TAPBPL: variants seen among roughly 807,000 people sequenced by gnomAD.
The protein encoded by TAPBPL is TAP binding protein like.
Under a neutral mutation model 44.8 loss-of-function variants are expected in TAPBPL, and 32 were observed. The ratio of observed to expected loss-of-function variants is 0.71; its 90% CI spans 0.54 to 0.96. The LOEUF is 0.96. TAPBPL is among the 40% of genes least tolerant of loss of function. The pLI is 0.00. For missense variants in TAPBPL, 520 were observed against 586.6 expected (o/e 0.89, Z 1.17); for synonymous variants, 230 against 240.7 (o/e 0.96, Z 0.41).
chr12:6,463,209 G>A, downstream of TAPBPL: 4 of 1,432,140 alleles, frequency 2.8e-6, no homozygotes, highest in Admixed American at 2.8e-5. This position sits in a 1 kb window ranked among gnomAD's most constrained non-coding sequence, Gnocchi z 4.0. Flanking sequence ...GACAGGAAAG[G>A]GTGGTTCAAA....
rs145002394 is a variant in TAPBPL, at chr12:6,457,569, A to G, written c.729A>G (p.Ala243=). The G allele has an allele frequency of 1.3e-5, 21 of 1,614,112 alleles. No individual in the cohort carries two copies. The African/African-American group carries it at 2.5e-4, about 19-fold the overall frequency. Residue 243 remains alanine (A), a synonymous_variant, in exon 4 of 7, where the codon GCA becomes GCG. Transcript: ENST00000266556. The part of the protein sequence containing the change: ...GRGQLVYSWT[A]GQGQAVRKGA... ...GTCAGTTGGTGTACAGCTGGACCGC[A>G]GGGCAGGGGCAGGCTGTGCGGAAGG...
downstream of TAPBPL, chr12:6,464,457 G>C: frequency 6.4e-7 from 1 of 1,560,296 alleles, no homozygotes; most frequent in Non-Finnish European, 8.7e-7. Context: ...AACAGGGAAG[G>C]GGTGGTACAT....
At chr12:6,469,062 G>A (rs1274263872), downstream of TAPBPL, among the ~76,000 whole-genome samples, 1 of 152,190 alleles carries the variant, frequency 6.6e-6, no homozygotes, top group East Asian at 1.9e-4. Context: ...TAAAAAGATA[G>A]AGAATAACTC....
downstream of TAPBPL, among the ~76,000 whole-genome samples, chr12:6,468,052 G>A (rs2137012229): frequency 6.6e-6 from 1 of 152,358 alleles, no homozygotes. Flanking sequence ...TAGTACAGAA[G>A]GGACATGTGG....
rs1342970165 is a variant in TAPBPL at position 6,457,641 on chromosome 12, C to CCT, written c.803_804dup (p.Thr269SerfsTer41). ...AACTGGGCATGGCCAGGGATGCCTC[C>CCT]CTCACCCTGCCCGGCCTCACTATAC... On this transcript the variant is annotated frameshift_variant, in exon 4 of 7. Transcript: ENST00000266556. LOFTEE classifies it high-confidence loss of function. 28 of 1,614,048 alleles carry CCT rather than the reference C, an allele frequency of 1.7e-5. No individual in the cohort carries two copies. Among genetic ancestry groups the CCT allele is most frequent in the Non-Finnish European group, 2.3e-5 (27 of 1,180,026 alleles).
In TAPBPL at chr12:6,453,846, C is replaced by T. The variant is rs1341567626; in HGVS notation, c.565+130C>T. 8.1e-6 allele frequency: 10 copies of T among 1,227,266 alleles called. No individual in the cohort carries two copies. Among genetic ancestry groups the T allele is most frequent in the South Asian group, 4.8e-5 (3 of 61,940 alleles). The allele number at this position is 1,227,266 out of a possible 1,614,324, so 76.0% of individuals were successfully genotyped here. ...CAGCCTGGTCAACACGGTGAAACCC[C>T]GTCTCTACTAATACCAAAATTAGCC... On this transcript the variant is annotated intron_variant, in intron 3 of 6. Transcript: ENST00000266556. The surrounding 1 kb of genome is among the most constrained non-coding windows in gnomAD (Gnocchi z 4.8).
In TAPBPL at chr12:6,453,374, C is replaced by T; in HGVS notation, c.296-73C>T. ...ACAGCCCAGGTCCCGATTACAGCCACACATACTGCCTCCCGTTGGCCCTGG... is the reference window on the plus strand; with the variant it reads ...ACAGCCCAGGTCCCGATTACAGCCATACATACTGCCTCCCGTTGGCCCTGG... On this transcript the variant is annotated intron_variant, in intron 2 of 6. Coordinates refer to ENST00000266556, the MANE Select transcript of TAPBPL (RefSeq NM_018009.5). The surrounding 1 kb of genome is among the most constrained non-coding windows in gnomAD (Gnocchi z 4.8). The T allele has an allele frequency of 6.2e-7, 1 of 1,608,346 alleles. No individual in the cohort carries two copies. The highest frequency in any genetic ancestry group is 8.5e-7 in the Non-Finnish European group (1 of 1,176,576).
At chr12:6,464,160 C>T, downstream of TAPBPL, 1 of 1,423,058 alleles carries the variant, frequency 7.0e-7, no homozygotes, top group Non-Finnish European at 9.3e-7. Flanking sequence ...CAGCCACTCC[C>T]CTCCCTGCCC....
downstream of TAPBPL, chr12:6,462,364 A>G (rs1374011778): frequency 2.0e-6 from 1 of 506,282 alleles, no homozygotes; most frequent in African/African-American, 1.9e-5. Flanking sequence ...CAGGGTTAGG[A>G]AAAAAAGACA....
chr12:6,452,923 A>G lies in TAPBPL; in HGVS notation c.65-144A>G, dbSNP rs1277606984. The G allele has an allele frequency of 7.0e-6, 6 of 856,726 alleles. No individual in the cohort carries two copies. In the East Asian group the frequency reaches 1.3e-4, roughly 19 times the overall value. 53.1% of individuals were successfully genotyped at this position (856,726 alleles called of 1,614,324 possible). A position where few individuals can be genotyped will look rare whatever the true frequency, so the allele number is the denominator to read the frequency against. ...AGAAAGCTGGTTTGGGGATGACGGG[A>G]GAATAGAGGGACACAGAAACAGCTA... On this transcript the variant is annotated intron_variant, in intron 1 of 6. Transcript: ENST00000266556.
Position 6,453,357 on chromosome 12 carries a change from G to C in TAPBPL, c.295+60G>C. 1.2e-6 allele frequency: 2 copies of C among 1,609,722 alleles called. No individual in the cohort carries two copies. Among genetic ancestry groups the C allele is most frequent in the Non-Finnish European group, 1.7e-6 (2 of 1,177,492 alleles). ...GGGCTCCCTCCACCAGGACAGCCCA[G>C]GTCCCGATTACAGCCACACATACTG... is the stretch of plus-strand genomic sequence containing the variant. On this transcript the variant is annotated intron_variant, in intron 2 of 6. Coordinates refer to ENST00000266556, the MANE Select transcript of TAPBPL (RefSeq NM_018009.5). The surrounding 1 kb of genome is among the most constrained non-coding windows in gnomAD (Gnocchi z 4.8).
intron 4 of TAPBPL, 137 bp from the exon 5 acceptor site, chr12:6,458,508 C>T (rs966915726): frequency 6.6e-6 from 7 of 1,052,806 alleles, no homozygotes; most frequent in Admixed American, 2.6e-5. Flanking sequence ...CCTCACACAC[C>T]CCCGCCTTGG....
chr12:6,456,464 A>T (rs1949705364), intron 3 of TAPBPL, among the ~76,000 whole-genome samples: 2 of 151,260 alleles, frequency 1.3e-5, no homozygotes, highest in African/African-American at 4.9e-5. Flanking sequence ...TCCTGGGTTC[A>T]AGTGATTCTC....
rs1949562429 is a variant in TAPBPL at position 6,452,137 on chromosome 12, C to G, written c.-112C>G. On this transcript the variant is annotated 5_prime_UTR_variant, in exon 1 of 7. Coordinates refer to ENST00000266556, the MANE Select transcript of TAPBPL (RefSeq NM_018009.5). ...AGGGAACAGGGAAGAAACCTAAAGG[C>G]TGCAGGCTGCCAGGTGTGCTTGGAG... 6.1e-6 allele frequency: 8 copies of G among 1,306,800 alleles called. No individual in the cohort carries two copies. Among genetic ancestry groups the G allele is most frequent in the Non-Finnish European group, 8.6e-6 (8 of 928,108 alleles). The allele number at this position is 1,306,800 out of a possible 1,614,324, so 81.0% of individuals were successfully genotyped here. A position where few individuals can be genotyped will look rare whatever the true frequency, so the allele number is the denominator to read the frequency against.
chr12:6,460,717 C>A, intron 5 of TAPBPL, 138 bp from the exon 6 acceptor site: 1 of 720,628 alleles, frequency 1.4e-6, no homozygotes, highest in Non-Finnish European at 2.4e-6. Flanking sequence ...CTGCTGAGTG[C>A]CTTGTTCCAG....
chr12:6,455,618 A>T (rs932117646), intron 3 of TAPBPL, among the ~76,000 whole-genome samples: 1 of 152,012 alleles, frequency 6.6e-6, no homozygotes, highest in African/African-American at 2.4e-5. Flanking sequence ...GATATTTTTT[A>T]ATTGATATGA....
chr12:6,462,838 C>T (rs1468398435), downstream of TAPBPL: 1 of 1,606,148 alleles, frequency 6.2e-7, no homozygotes, highest in African/African-American at 1.3e-5. Flanking sequence ...CTCTTCAGTC[C>T]CGCCCTTGGG....
intron 3 of TAPBPL, among the ~76,000 whole-genome samples, chr12:6,454,656 C>T (rs1270493256): frequency 6.6e-6 from 1 of 152,156 alleles, no homozygotes. Context: ...CCACTGTAGT[C>T]TTATCGAGCC....
chr12:6,469,926 C>A (rs1476274029), downstream of TAPBPL, among the ~76,000 whole-genome samples: 1 of 152,188 alleles, frequency 6.6e-6, no homozygotes, highest in African/African-American at 2.4e-5. Context: ...GTATGAACAG[C>A]CGCTTGGGAT....
Sources: allele counts gnomAD v4.1 joint callset (sites outside exome capture counted in the v4.1 genomes callset), GRCh38; gene constraint gnomAD v4.1.1; non-coding constraint Gnocchi (gnomAD v3.1); transcripts MANE v1.5; gene names NCBI Gene and HGNC (gene_info 2026-07-23, HGNC 2026-07-21).